The following ARB2A variants were observed in gnomAD, a reference collection of about 807,000 sequenced individuals.
The protein encoded by ARB2A is cotranscriptional regulator ARB2A.
the ARB2A span, among the ~76,000 whole-genome samples, chr5:93,719,444 T>G: frequency 2.0e-5 from 3 of 152,228 alleles, no homozygotes; most frequent in Non-Finnish European, 4.4e-5. Flanking sequence ...TCTCATCTTT[T>G]TGCACTCACC....
chr5:93,645,810 T>C, the ARB2A span, among the ~76,000 whole-genome samples: 1 of 152,280 alleles, frequency 6.6e-6, no homozygotes, highest in Admixed American at 6.5e-5. Context: ...TATTTCAGAA[T>C]TGCATTTGAC....
the ARB2A span, among the ~76,000 whole-genome samples, chr5:93,848,665 G>A: frequency 2.6e-5 from 4 of 152,224 alleles, no homozygotes; most frequent in African/African-American, 9.6e-5. Flanking sequence ...ATTTTGAACT[G>A]AAAAGATGAA....
the ARB2A span, among the ~76,000 whole-genome samples, chr5:93,633,762 AG>A: frequency 3.9e-5 from 6 of 152,136 alleles, no homozygotes; most frequent in Non-Finnish European, 8.8e-5. Flanking sequence ...TTTTGAAGGT[AG>A]GGGTCAGACT....
At chr5:93,957,973 TA>T in the ARB2A span, among the ~76,000 whole-genome samples, 97 of 149,326 alleles carry the variant, frequency 6.5e-4, 1 homozygote, top group South Asian at 5.5e-3. Flanking sequence ...TATGTTTTTC[TA>T]AAAAAAAAAT....
At chr5:93,855,593 G>A in the ARB2A span, among the ~76,000 whole-genome samples, 1 of 151,968 alleles carries the variant, frequency 6.6e-6, no homozygotes, top group East Asian at 1.9e-4. Flanking sequence ...GCAGTGGCTG[G>A]TACTGGTTGT....
the ARB2A span, among the ~76,000 whole-genome samples, chr5:93,937,652 G>A: frequency 5.3e-5 from 8 of 151,928 alleles, no homozygotes; most frequent in African/African-American, 9.6e-5. Flanking sequence ...TATCCATGGG[G>A]TATACATATA....
chr5:94,015,117 C>T, the ARB2A span, among the ~76,000 whole-genome samples: 353 of 151,918 alleles, frequency 2.3e-3, no homozygotes, highest in Non-Finnish European at 4.2e-3. Context: ...TGTCAAAAGT[C>T]GAGGACAAGG....
the ARB2A span, among the ~76,000 whole-genome samples, chr5:93,812,282 T>C: frequency 6.6e-6 from 1 of 152,096 alleles, no homozygotes; most frequent in Non-Finnish European, 1.5e-5. Flanking sequence ...TCAATGATAA[T>C]TGGAACAGGA....
At chr5:93,834,097 C>T in the ARB2A span, among the ~76,000 whole-genome samples, 1 of 152,112 alleles carries the variant, frequency 6.6e-6, no homozygotes, top group Non-Finnish European at 1.5e-5. Context: ...CCAAATATAT[C>T]GTCTGAACCC....
chr5:93,768,572 A>G, the ARB2A span, among the ~76,000 whole-genome samples: 2 of 151,528 alleles, frequency 1.3e-5, no homozygotes, highest in Non-Finnish European at 2.9e-5. Flanking sequence ...ATATACATAT[A>G]TACTATGTGT....
chr5:94,099,039 T>C, the ARB2A span, among the ~76,000 whole-genome samples: 2 of 152,146 alleles, frequency 1.3e-5, no homozygotes, highest in South Asian at 4.1e-4. Context: ...AGCCAAATTC[T>C]ACCAGATGTA....
the ARB2A span, among the ~76,000 whole-genome samples, chr5:93,648,567 T>G: frequency 7.2e-5 from 11 of 152,314 alleles, no homozygotes; most frequent in African/African-American, 2.6e-4. Context: ...GTAAAAGAGT[T>G]GATGGAGAGG....
the ARB2A span, among the ~76,000 whole-genome samples, chr5:93,967,111 T>A: frequency 6.6e-6 from 1 of 151,886 alleles, no homozygotes; most frequent in South Asian, 2.1e-4. Context: ...AGAATTGCAC[T>A]CTGCATTTAG....
At chr5:94,103,043 A>G in the ARB2A span, among the ~76,000 whole-genome samples, 1 of 152,090 alleles carries the variant, frequency 6.6e-6, no homozygotes, top group Non-Finnish European at 1.5e-5. Context: ...TTGAAAGGCC[A>G]TTACTGGCCA....
the ARB2A span, among the ~76,000 whole-genome samples, chr5:93,867,991 A>G: frequency 1.3e-5 from 2 of 152,296 alleles, no homozygotes; most frequent in Admixed American, 6.5e-5. Flanking sequence ...CTAAGCATAC[A>G]ATTTCACATT....
chr5:94,062,719 G>A, the ARB2A span, among the ~76,000 whole-genome samples: 1 of 152,132 alleles, frequency 6.6e-6, no homozygotes, highest in African/African-American at 2.4e-5. Context: ...GCCATTTTGA[G>A]AGCCCAGCCC....
At chr5:93,895,845 T>C in the ARB2A span, among the ~76,000 whole-genome samples, 1 of 151,966 alleles carries the variant, frequency 6.6e-6, no homozygotes, top group East Asian at 1.9e-4. Flanking sequence ...TATATAATCA[T>C]AAAATTTAAA....
the ARB2A span, among the ~76,000 whole-genome samples, chr5:93,672,313 A>G: frequency 5.2e-4 from 79 of 150,548 alleles, no homozygotes; most frequent in South Asian, 1.0e-3. Flanking sequence ...TGCATCACTA[A>G]TGTTCTTTTT....
the ARB2A span, among the ~76,000 whole-genome samples, chr5:93,800,413 A>G: frequency 6.6e-6 from 1 of 151,502 alleles, no homozygotes; most frequent in African/African-American, 2.4e-5. Flanking sequence ...ACACACACAC[A>G]CACACACACA....
Sources: gnomAD v4.1 joint callset for allele counts (sites outside exome capture counted in the v4.1 genomes callset) on GRCh38, gnomAD v4.1.1 for gene constraint, MANE v1.5 for transcripts, NCBI Gene and HGNC (gene_info 2026-07-23, HGNC 2026-07-21) for gene names.